The following FAM174B variants were observed in gnomAD, a reference collection of about 807,000 sequenced individuals.
FAM174B encodes the protein membrane protein FAM174B.
A neutral mutation model predicts 10.9 loss-of-function variants in FAM174B; 12 were observed. That is an observed-to-expected ratio of 1.10 (90% CI 0.71 to 1.79). The LOEUF is 1.79. Ranked by LOEUF, FAM174B falls within the 40% of genes most tolerant of loss-of-function variation. The probability of loss-of-function intolerance (pLI) is 0.00; values close to 1 mark genes in which losing one functional copy is unlikely to be tolerated. For missense variants in FAM174B, 266 were observed against 233.3 expected, an observed-to-expected ratio of 1.14 and a Z score of -0.91; for synonymous variants, 132 against 115.8, an observed-to-expected ratio of 1.14 and a Z score of -0.90.
chr15:92,618,154 G>C lies in FAM174B; in HGVS notation c.*1302C>G, dbSNP rs2050692106. On this transcript the variant is annotated 3_prime_UTR_variant, in exon 3 of 3. Coordinates refer to ENST00000327355, the MANE Select transcript of FAM174B (RefSeq NM_207446.3). ...CCTGGAGCAAAGCCAGGAAAAAAGGGGGAGATAAAAAATAAAAAAATAAAA... is the reference window on the plus strand; with the variant it reads ...CCTGGAGCAAAGCCAGGAAAAAAGGCGGAGATAAAAAATAAAAAAATAAAA... The C allele has an allele frequency of 6.3e-6, 1 of 158,962 alleles. No homozygotes were observed. Among genetic ancestry groups the C allele is most frequent in the African/African-American group, 2.4e-5 (1 of 41,756 alleles). 9.8% of individuals were successfully genotyped at this position (158,962 alleles called of 1,614,324 possible).
chr15:92,623,081 G>A (rs528817585), intron 2 of FAM174B, among the ~76,000 whole-genome samples: 47 of 152,100 alleles, frequency 3.1e-4, no homozygotes, highest in South Asian at 1.0e-3. Context: ...ACTTGATCCC[G>A]GGAGGCAGAG....
chr15:92,617,741 A>G lies in FAM174B; in HGVS notation c.*1715T>C. ...CCACTCAGGCCTGAGTACACCGTGG[A>G]GAGGAGAGATAAAGCAGCCACGGCT... On this transcript the variant is annotated 3_prime_UTR_variant, in exon 3 of 3. Transcript: ENST00000327355. 1 of 615,870 alleles carries G rather than the reference A, an allele frequency of 1.6e-6. No homozygotes were observed. Among genetic ancestry groups the G allele is most frequent in the Non-Finnish European group, 2.9e-6 (1 of 346,512 alleles). 38.2% of individuals were successfully genotyped at this position (615,870 alleles called of 1,614,324 possible). A position where few individuals can be genotyped will look rare whatever the true frequency, so the allele number is the denominator to read the frequency against.
chr15:92,630,344 A>G lies in FAM174B; in HGVS notation c.346T>C (p.Ser116Pro), dbSNP rs1206711345. 29 of 1,609,322 alleles carry G rather than the reference A, an allele frequency of 1.8e-5. No homozygotes were observed. Among genetic ancestry groups the G allele is most frequent in the Non-Finnish European group, 2.3e-5 (27 of 1,177,578 alleles). Residue 116 changes from serine (S) to proline (P), a missense_variant and splice_region_variant, in exon 2 of 3, where the codon TCG (serine) becomes CCG (proline). By Grantham distance (74) the Ser-to-Pro change is moderately conservative (BLOSUM62 -1). Coordinates refer to ENST00000327355, the MANE Select transcript of FAM174B (RefSeq NM_207446.3). Reference sequence around the variant, plus strand: ...CGTGTCTTCTTTAACCTCTTTCCCGACCTGCAGGAGAAGAAGCACATTCAT... The same window carrying G: ...CGTGTCTTCTTTAACCTCTTTCCCGGCCTGCAGGAGAAGAAGCACATTCAT... ...IACLLLRVFR[S>P]GKRLKKTRKY...
At chr15:92,635,320 ACT>A (rs762582258) in intron 1 of FAM174B, among the ~76,000 whole-genome samples, 63 of 152,112 alleles carry the variant, frequency 4.1e-4, no homozygotes, top group Non-Finnish European at 7.4e-4. Context: ...CAAACAATCA[ACT>A]CTCTGAAACA....
At chr15:92,622,070 A>G (rs2050723054) in intron 2 of FAM174B, among the ~76,000 whole-genome samples, 1 of 152,148 alleles carries the variant, frequency 6.6e-6, no homozygotes, top group African/African-American at 2.4e-5. Context: ...GGCTCTGGGG[A>G]AAGCAGCCGG....
chr15:92,627,011 C>T (rs1470959076), intron 2 of FAM174B: 1 of 152,090 alleles, frequency 6.6e-6, no homozygotes, highest in Admixed American at 6.5e-5. Context: ...AAGATAGTGC[C>T]ACTGCACTCT....
chr15:92,637,505 C>T (rs1315782684), intron 1 of FAM174B, among the ~76,000 whole-genome samples: 4 of 152,218 alleles, frequency 2.6e-5, no homozygotes, highest in African/African-American at 9.7e-5. Context: ...AGGCACTGCA[C>T]GAAGGGAAAC....
chr15:92,650,479 G>A lies in FAM174B; in HGVS notation c.344+4837C>T, dbSNP rs17524013. Among the ~76,000 whole-genome samples the A allele has an allele frequency of 5.1e-3, 779 of 152,312 alleles. 8 individuals carry two copies. The highest frequency in any genetic ancestry group is 8.0e-3 in the Non-Finnish European group (546 of 68,026). On this transcript the variant is annotated intron_variant, in intron 1 of 2. Transcript: ENST00000327355. Reference sequence around the variant, plus strand: ...GCAGCCAACAGACATCTAGAGAACTGGAGCCTGCACCGTGGAGTTCGGAGA... The same window carrying A: ...GCAGCCAACAGACATCTAGAGAACTAGAGCCTGCACCGTGGAGTTCGGAGA...
At chr15:92,651,545 T>C (rs867557666) in intron 1 of FAM174B, among the ~76,000 whole-genome samples, 1 of 152,248 alleles carries the variant, frequency 6.6e-6, no homozygotes, top group African/African-American at 2.4e-5. Flanking sequence ...GCTAATACTA[T>C]ACATGTCACT....
intron 1 of FAM174B, among the ~76,000 whole-genome samples, 192 bp from the exon 2 acceptor site, chr15:92,630,537 C>A (rs1187876551): frequency 1.3e-5 from 2 of 151,844 alleles, no homozygotes; most frequent in Non-Finnish European, 2.9e-5. Context: ...TGAGACTGCT[C>A]CCAGGAGATT....
intron 2 of FAM174B, among the ~76,000 whole-genome samples, chr15:92,623,691 A>G (rs1254924521): frequency 6.6e-6 from 1 of 152,146 alleles, no homozygotes; most frequent in Non-Finnish European, 1.5e-5. Context: ...CGGCAAGGAC[A>G]CTCTGGGAAG....
intron 1 of FAM174B, among the ~76,000 whole-genome samples, chr15:92,632,001 T>C (rs1019012339): frequency 6.7e-6 from 1 of 149,608 alleles, no homozygotes; most frequent in African/African-American, 2.5e-5. Flanking sequence ...TGAGCTTCCA[T>C]TCCCTTACAA....
At position 92,655,517 on chromosome 15, in the gene FAM174B, C is replaced by G; in HGVS notation, c.143G>C (p.Gly48Ala). The G allele has an allele frequency of 6.7e-7, 1 of 1,497,194 alleles. No individual in the cohort carries two copies. The highest frequency in any genetic ancestry group is 2.3e-5 in the Admixed American group (1 of 44,046). 92.7% of individuals were successfully genotyped at this position (1,497,194 alleles called of 1,614,324 possible). A position where few individuals can be genotyped will look rare whatever the true frequency, so the allele number is the denominator to read the frequency against. Residue 48 changes from glycine to alanine, a missense_variant, in exon 1 of 3, where the codon GGC (glycine) becomes GCC (alanine). Physicochemically the swap from Gly to Ala is moderately conservative, Grantham distance 60. Transcript: ENST00000327355. Reference sequence around the variant, plus strand: ...CCGGGTGGTGTTCCCGGGCCCCGGGCCGGGCGGTGGCCGCGACTCGCGCTC... The same window carrying G: ...CCGGGTGGTGTTCCCGGGCCCCGGGGCGGGCGGTGGCCGCGACTCGCGCTC... Reference protein sequence around the residue: ...EPERESRPPPGPGPGNTTRFG... With the variant: ...EPERESRPPPAPGPGNTTRFG...
At chr15:92,640,551 CAAAAAAAAAAA>C (rs60865026) in intron 1 of FAM174B, among the ~76,000 whole-genome samples, 4 of 67,722 alleles carry the variant, frequency 5.9e-5, no homozygotes, top group African/African-American at 1.1e-4. Context: ...GACTCCATCT[CAAAAAAAAAAA>C]AAAAAAAAAA....
chr15:92,647,619 G>C (rs546786440), intron 1 of FAM174B, among the ~76,000 whole-genome samples: 1 of 152,114 alleles, frequency 6.6e-6, no homozygotes, highest in Non-Finnish European at 1.5e-5. Flanking sequence ...TCATAAGACT[G>C]GCAAAACAAG....
chr15:92,644,335 G>C (rs948812319), intron 1 of FAM174B, among the ~76,000 whole-genome samples: 2 of 152,016 alleles, frequency 1.3e-5, no homozygotes, highest in Non-Finnish European at 2.9e-5. Context: ...GAGCATTTTC[G>C]ACAAGCCACT....
intron 1 of FAM174B, among the ~76,000 whole-genome samples, chr15:92,635,367 G>A (rs1280767324): frequency 6.6e-6 from 1 of 152,180 alleles, no homozygotes; most frequent in Non-Finnish European, 1.5e-5. Context: ...AATTTCTGCT[G>A]TTTCCACTGC....
At chr15:92,641,547 A>C (rs285763) in intron 1 of FAM174B, among the ~76,000 whole-genome samples, 145,085 of 152,240 alleles carry the variant, frequency 0.95, 69,553 homozygotes, top group East Asian at 1. Context: ...AGCAAGGTAA[A>C]AAGCATAGTG....
intron 2 of FAM174B, 51 bp from the exon 3 acceptor site, chr15:92,619,510 C>A (rs1784264096): frequency 2.3e-5 from 36 of 1,593,270 alleles, no homozygotes; most frequent in Non-Finnish European, 3.0e-5. Flanking sequence ...GAGCCTCGCA[C>A]CCATTCTGAC....
Sources: allele counts gnomAD v4.1 joint callset (sites outside exome capture counted in the v4.1 genomes callset), GRCh38; gene constraint gnomAD v4.1.1; transcripts MANE v1.5; gene names NCBI Gene and HGNC (gene_info 2026-07-23, HGNC 2026-07-21).